FBXO31: variants seen among roughly 807,000 people sequenced by gnomAD.
FBXO31 encodes F-box only protein 31.
FBXO31 carries 24 observed loss-of-function variants against 54.4 expected under a neutral mutation model. The ratio of observed to expected loss-of-function variants is 0.44; its 90% CI spans 0.32 to 0.62. The LOEUF (loss-of-function observed/expected upper bound fraction) is 0.62, where lower values mean the gene tolerates loss of function less well. Among genes scored for constraint, FBXO31 ranks in the 20% least tolerant of loss-of-function variants. The pLI is 0.05. For synonymous variants in FBXO31, 388 were observed against 335.6 expected, an observed-to-expected ratio of 1.16 and a Z score of -1.71; for missense variants, 665 against 787.1, an observed-to-expected ratio of 0.84 and a Z score of 1.86.
chr16:87,349,797 T>C (rs1043519672), intron 2 of FBXO31, among the ~76,000 whole-genome samples: 1 of 149,420 alleles, frequency 6.7e-6, no homozygotes, highest in Non-Finnish European at 1.5e-5. Flanking sequence ...TGGTCCCAGC[T>C]ACCCAGGAGG....
At position 87,335,469 on chromosome 16, in the gene FBXO31, G is replaced by A. The variant is rs376709355; in HGVS notation, c.843-12C>T. 33 of 1,609,948 alleles carry A rather than the reference G, an allele frequency of 2.0e-5. No homozygotes were observed. In the African/African-American group the frequency reaches 2.9e-4, roughly 14 times the overall value. On this transcript the variant is annotated splice_polypyrimidine_tract_variant and intron_variant, in intron 6 of 8. Transcript: ENST00000311635. The surrounding 1 kb of genome is among the most constrained non-coding windows in gnomAD (Gnocchi z 5.7). ...AGGTCAGGCAGTTGCTGTGGGGAGC[G>A]GACGGGTCAGTACAGGAGACCTCGT...
chr16:87,355,270 G>A lies in FBXO31; in HGVS notation c.412+5025C>T, dbSNP rs376802520. 6.7e-4 allele frequency among the ~76,000 whole-genome samples: 102 copies of A among 152,342 alleles called. 1 individual carries two copies. In the South Asian group the frequency reaches 0.017, roughly 25 times the overall value. ...TCAACACGACCAGTTAACGGCCCAC[G>A]TGAATGATGGAAACACAAGCCACGC... On this transcript the variant is annotated intron_variant, in intron 2 of 8. Coordinates refer to ENST00000311635, the MANE Select transcript of FBXO31 (RefSeq NM_024735.5).
intron 2 of FBXO31, among the ~76,000 whole-genome samples, chr16:87,353,961 G>A (rs139853007): frequency 0.011 from 1,712 of 152,360 alleles, 7 homozygotes; most frequent in Non-Finnish European, 0.018. Flanking sequence ...GGACTAGGAT[G>A]CGGACGTCTC....
rs1482665825 is a variant in FBXO31 at position 87,335,420 on chromosome 16, T to G, written c.880A>C (p.Ser294Arg). 1.2e-6 allele frequency: 2 copies of G among 1,613,570 alleles called. No individual in the cohort carries two copies. Among genetic ancestry groups the G allele is most frequent in the Admixed American group, 3.3e-5 (2 of 60,002 alleles). The change falls in exon 7 of 9, where the codon AGC becomes CGC. Residue 294 changes from serine (S) to arginine (R), a missense_variant. Around this residue, in one of 4 missense-constraint regions of FBXO31, gnomAD observed 234 missense variants for 346.8 expected, o/e 0.67. Transcript: ENST00000311635. The surrounding 1 kb of genome is among the most constrained non-coding windows in gnomAD (Gnocchi z 5.7). ...GGCTTGATGAGGTCGTCGGGGCGGC[T>G]GGGCGGCAGGTAGATGCGGCGGTAG... The part of the protein sequence containing the change: ...LTYRRIYLPP[S>R]RPDDLIKPGL...
At chr16:87,363,283 C>G (rs1324851411) in intron 1 of FBXO31, among the ~76,000 whole-genome samples, 1 of 152,166 alleles carries the variant, frequency 6.6e-6, no homozygotes, top group Non-Finnish European at 1.5e-5. Flanking sequence ...GCTAGGGAGG[C>G]TGAGGCAGGA....
At chr16:87,387,258 T>TACGTCCTTGGAAC (rs1194862313), upstream of FBXO31, among the ~76,000 whole-genome samples, 1 of 152,192 alleles carries the variant, frequency 6.6e-6, no homozygotes, top group Non-Finnish European at 1.5e-5. Context: ...GACAGCTGAA[T>TACGTCCTTGGAAC]ACGTCCTTGG....
chr16:87,362,359 G>A (rs998303263), intron 1 of FBXO31, among the ~76,000 whole-genome samples: 1 of 151,786 alleles, frequency 6.6e-6, no homozygotes, highest in Non-Finnish European at 1.5e-5. Flanking sequence ...GTAATGTAGT[G>A]GCTACAGGTA....
intron 1 of FBXO31, among the ~76,000 whole-genome samples, chr16:87,365,175 C>T (rs370336386): frequency 4.7e-5 from 7 of 150,334 alleles, no homozygotes; most frequent in African/African-American, 9.8e-5. Flanking sequence ...CAGAGGCAGG[C>T]GGAATGAGCC....
At chr16:87,347,318 CGA>C in intron 2 of FBXO31, 68 bp from the exon 3 acceptor site, 1 of 1,362,556 alleles carries the variant, frequency 7.3e-7, no homozygotes, top group Non-Finnish European at 1.1e-6. Context: ...CCAGGAACCC[CGA>C]GAGGGAGGAA....
chr16:87,384,122 T>C, upstream of FBXO31: 1 of 155,590 alleles, frequency 6.4e-6, no homozygotes, highest in Non-Finnish European at 1.4e-5. Flanking sequence ...GCGCCGCGGC[T>C]TTTGTGGAGA....
chr16:87,380,624 G>C (rs1384039279), intron 1 of FBXO31, among the ~76,000 whole-genome samples: 3 of 152,184 alleles, frequency 2.0e-5, no homozygotes, highest in Admixed American at 1.3e-4. Flanking sequence ...CTGGGCTCAA[G>C]TGATCTGCCA....
chr16:87,365,622 G>A (rs1344052177), intron 1 of FBXO31, among the ~76,000 whole-genome samples: 4 of 152,188 alleles, frequency 2.6e-5, no homozygotes, highest in Non-Finnish European at 4.4e-5. Context: ...CTGCCCATGC[G>A]GCCCACCATA....
intron 2 of FBXO31, among the ~76,000 whole-genome samples, chr16:87,348,755 G>A (rs2150678088): frequency 6.6e-6 from 1 of 152,292 alleles, no homozygotes; most frequent in Middle Eastern, 3.4e-3. Context: ...TGAGAGGGCG[G>A]CCTGCACTCA....
chr16:87,371,206 G>T (rs1906588481), intron 1 of FBXO31, among the ~76,000 whole-genome samples: 1 of 152,220 alleles, frequency 6.6e-6, no homozygotes, highest in Non-Finnish European at 1.5e-5. Flanking sequence ...GGTGACCACT[G>T]AGCCAGCGTA....
rs12599504 is a variant in FBXO31, at chr16:87,364,910, T to C, written c.341-4544A>G. Among the ~76,000 whole-genome samples the C allele has an allele frequency of 6.8e-5, 10 of 146,082 alleles. No homozygotes were observed. The South Asian group carries it at 1.6e-3, about 23-fold the overall frequency. The stretch of plus-strand genomic sequence containing the variant: ...GGTGGCACACTACTCAGGAGGCTGA[T>C]GTGGGAAGATCATCTGAGTCCAGGA... On this transcript the variant is annotated intron_variant, in intron 1 of 8. Coordinates refer to ENST00000311635, the MANE Select transcript of FBXO31 (RefSeq NM_024735.5).
chr16:87,333,729 C>T (rs535032484), intron 8 of FBXO31, among the ~76,000 whole-genome samples, 157 bp downstream of exon 8: 1 of 152,290 alleles, frequency 6.6e-6, no homozygotes, highest in African/African-American at 2.4e-5. Flanking sequence ...GGGAACATGG[C>T]CCAAGGGGTC....
At chr16:87,383,852 A>C, upstream of FBXO31, 1 of 819,392 alleles carries the variant, frequency 1.2e-6, no homozygotes, top group Non-Finnish European at 1.5e-6. This position sits in a 1 kb window ranked among gnomAD's most constrained non-coding sequence, Gnocchi z 4.9. Context: ...CGCCCCCTGG[A>C]GAGCCTAGCC....
chr16:87,360,420 G>A (rs755561559), intron 1 of FBXO31, 54 bp from the exon 2 acceptor site: 1 of 1,525,212 alleles, frequency 6.6e-7, no homozygotes, highest in Non-Finnish European at 9.1e-7. Context: ...TAACGCGACA[G>A]ACGTGGGCAG....
intron 2 of FBXO31, among the ~76,000 whole-genome samples, chr16:87,348,032 G>C (rs752532000): frequency 6.6e-6 from 1 of 152,326 alleles, no homozygotes; most frequent in East Asian, 1.9e-4. Flanking sequence ...TTCCTGAGCA[G>C]CTCCAGGTCA....
Sources: allele counts gnomAD v4.1 joint callset (sites outside exome capture counted in the v4.1 genomes callset), GRCh38; gene constraint gnomAD v4.1.1; regional missense constraint gnomAD v4.1.1; non-coding constraint Gnocchi (gnomAD v3.1); transcripts MANE v1.5; gene names NCBI Gene and HGNC (gene_info 2026-07-23, HGNC 2026-07-21).